ZBTB21: variants seen among roughly 807,000 people sequenced by gnomAD.
The protein encoded by ZBTB21 is zinc finger and BTB domain-containing protein 21.
A neutral mutation model predicts 39.8 loss-of-function variants in ZBTB21; 10 were observed. That is an observed-to-expected ratio of 0.25 (90% CI 0.16 to 0.43). The LOEUF (loss-of-function observed/expected upper bound fraction) is 0.43, where lower values mean the gene tolerates loss of function less well. ZBTB21 is among the 20% of genes least tolerant of loss of function. ZBTB21 has a pLI of 1.00. For synonymous variants in ZBTB21, 551 were observed against 498.8 expected, an observed-to-expected ratio of 1.10 and a Z score of -1.40; for missense variants, 1,221 against 1,296.3, an observed-to-expected ratio of 0.94 and a Z score of 0.89.
Position 41,993,351 on chromosome 21 carries a change from T to G in ZBTB21, c.745A>C (p.Arg249=). The part of the protein sequence containing the change: ...AVLPSKPLQD[R]EAMDDKPGVS... ...CCTGGTTTATCATCCATAGCTTCTC[T>G]GTCTTGCAGAGGCTTTGAAGGCAAC... Residue 249 remains arginine (R), a synonymous_variant, in exon 3 of 3, where the codon AGA becomes CGA. Coordinates refer to ENST00000310826, the MANE Select transcript of ZBTB21 (RefSeq NM_001098402.2). 1 of 1,613,818 alleles carries G rather than the reference T, an allele frequency of 6.2e-7. No homozygotes were observed. Among genetic ancestry groups the G allele is most frequent in the Non-Finnish European group, 8.5e-7 (1 of 1,179,936 alleles).
chr21:42,005,605 T>C (rs1428503394), intron 1 of ZBTB21, among the ~76,000 whole-genome samples: 1 of 152,220 alleles, frequency 6.6e-6, no homozygotes, highest in East Asian at 1.9e-4. Flanking sequence ...AACCCTAATA[T>C]ATTTCCACGT....
Position 42,010,329 on chromosome 21 carries a change from G to C in ZBTB21, c.-156C>G, listed in dbSNP as rs1307835483. 2 of 397,782 alleles carry C rather than the reference G, an allele frequency of 5.0e-6. No individual in the cohort carries two copies. The highest frequency in any genetic ancestry group is 4.4e-6 in the Non-Finnish European group (1 of 225,660). The allele number at this position is 397,782 out of a possible 1,614,324, so 24.6% of individuals were successfully genotyped here. A position where few individuals can be genotyped will look rare whatever the true frequency, so the allele number is the denominator to read the frequency against. On this transcript the variant is annotated 5_prime_UTR_variant, in exon 1 of 3. Coordinates refer to ENST00000310826, the MANE Select transcript of ZBTB21 (RefSeq NM_001098402.2). ...CGCGCGCGCCGCAGCCGCCGCTGCC[G>C]CTGTGATTCCATCCATCTTGAATTT...
chr21:42,003,816 T>C (rs2065846070), intron 1 of ZBTB21, among the ~76,000 whole-genome samples: 1 of 152,176 alleles, frequency 6.6e-6, no homozygotes, highest in African/African-American at 2.4e-5. Flanking sequence ...ATAGACGCTT[T>C]TCAGAAATGC....
In ZBTB21 at chr21:41,992,834, G is replaced by T. The variant is rs1555910490; in HGVS notation, c.1262C>A (p.Ala421Asp). 6.2e-7 allele frequency: 1 copy of T among 1,614,172 alleles called. No homozygotes were observed. The highest frequency in any genetic ancestry group is 8.5e-7 in the Non-Finnish European group (1 of 1,180,044). The change falls in exon 3 of 3, where the codon GCT (alanine) becomes GAT (aspartate). Residue 421 changes from alanine (A) to aspartate (D), a missense_variant. Transcript: ENST00000310826. The surrounding 1 kb of genome is among the most constrained non-coding windows in gnomAD (Gnocchi z 4.1). ...TATGCGCACCTCAGTCACAGGGGAA[G>T]CTCCCTCCCTGTCTGTTGACTGAGA... Reference protein sequence around the residue: ...SASQSTDREGASPVTEVRIKT... With the variant: ...SASQSTDREGDSPVTEVRIKT...
At chr21:42,005,746 T>C (rs1257724260) in intron 1 of ZBTB21, among the ~76,000 whole-genome samples, 1 of 152,234 alleles carries the variant, frequency 6.6e-6, no homozygotes, top group African/African-American at 2.4e-5. Context: ...ATTCAACTTA[T>C]TTACTGAATT....
At chr21:42,006,735 G>T (rs1176545465) in intron 1 of ZBTB21, among the ~76,000 whole-genome samples, 2 of 152,202 alleles carry the variant, frequency 1.3e-5, no homozygotes, top group Admixed American at 1.3e-4. Flanking sequence ...GGAGAATGTA[G>T]TCATACTTGG....
At position 41,992,371 on chromosome 21, in the gene ZBTB21, G is replaced by A. The variant is rs150186172; in HGVS notation, c.1725C>T (p.Tyr575=). 7.4e-5 allele frequency: 120 copies of A among 1,614,210 alleles called. 1 individual carries two copies. The Middle Eastern group carries it at 8.2e-4, about 11-fold the overall frequency. ...VNMYHNPEKP[Y]ACDICHKRFH... is the part of the protein sequence containing the mutation. The stretch of plus-strand genomic sequence containing the variant: ...ACCTCTTGTGACAGATGTCACAAGC[G>A]TAGGGCTTTTCTGGGTTATGGTACA... Residue 575 remains tyrosine, a synonymous_variant, in exon 3 of 3, where the codon TAC becomes TAT. Transcript: ENST00000310826. This position sits in a 1 kb window ranked among gnomAD's most constrained non-coding sequence, Gnocchi z 4.1.
chr21:41,999,083 GAA>G (rs1268501670), intron 2 of ZBTB21, among the ~76,000 whole-genome samples: 1 of 152,088 alleles, frequency 6.6e-6, no homozygotes, highest in Non-Finnish European at 1.5e-5. Context: ...GAGATCAGCA[GAA>G]AAAGACATAA....
Position 41,988,077 on chromosome 21 carries a change from C to T in ZBTB21, c.*2818G>A, listed in dbSNP as rs150736282. On this transcript the variant is annotated 3_prime_UTR_variant, in exon 3 of 3. Coordinates refer to ENST00000310826, the MANE Select transcript of ZBTB21 (RefSeq NM_001098402.2). ...ATTCTGGTAAAATTATAAATGCATACTAACTAGTTTTAAAGGTGAATATTC... is the reference window on the plus strand; with the variant it reads ...ATTCTGGTAAAATTATAAATGCATATTAACTAGTTTTAAAGGTGAATATTC... 1.2e-4 allele frequency: 19 copies of T among 152,292 alleles called. No individual in the cohort carries two copies. The East Asian group carries it at 3.7e-3, about 29-fold the overall frequency. 9.4% of individuals were successfully genotyped at this position (152,292 alleles called of 1,614,324 possible). A position where few individuals can be genotyped will look rare whatever the true frequency, so the allele number is the denominator to read the frequency against.
chr21:42,001,466 A>T (rs144963523), intron 2 of ZBTB21, among the ~76,000 whole-genome samples: 4 of 152,204 alleles, frequency 2.6e-5, no homozygotes, highest in Admixed American at 6.5e-5. Context: ...GCAGGAAGAG[A>T]ACAGGTCAAT....
chr21:41,999,930 G>T (rs2065797982), intron 2 of ZBTB21, among the ~76,000 whole-genome samples: 1 of 152,222 alleles, frequency 6.6e-6, no homozygotes, highest in Admixed American at 6.5e-5. Context: ...GAATGACAAA[G>T]ACCTGAATTA....
Position 41,992,789 on chromosome 21 carries a change from G to T in ZBTB21, c.1307C>A (p.Pro436Gln). The change falls in exon 3 of 3, where the codon CCG becomes CAG. Residue 436 changes from proline (P) to glutamine (Q), a missense_variant. Coordinates refer to ENST00000310826, the MANE Select transcript of ZBTB21 (RefSeq NM_001098402.2). This position sits in a 1 kb window ranked among gnomAD's most constrained non-coding sequence, Gnocchi z 4.1. ...GATGATGTCCGAGGGGTCCGACAGC[G>T]GGCTGCTGGGCTCAGTCTTTATGCG... is the stretch of plus-strand genomic sequence containing the variant. ...EVRIKTEPSS[P>Q]LSDPSDIIRV... The T allele has an allele frequency of 6.2e-7, 1 of 1,614,022 alleles. No homozygotes were observed. Among genetic ancestry groups the T allele is most frequent in the Non-Finnish European group, 8.5e-7 (1 of 1,180,012 alleles).
Position 41,992,844 on chromosome 21 carries a change from T to C in ZBTB21, c.1252A>G (p.Arg418Gly). Residue 418 changes from arginine (R) to glycine (G), a missense_variant, in exon 3 of 3, where the codon AGG becomes GGG. Arg to Gly is a moderately radical substitution (Grantham distance 125). This residue lies in a region of ZBTB21 where 500 missense variants were observed against 465.6 expected (regional missense o/e 1.07). Transcript: ENST00000310826. The surrounding 1 kb of genome is among the most constrained non-coding windows in gnomAD (Gnocchi z 4.1). ...RSFSASQSTDREGASPVTEVR... is the reference protein window; with the variant it reads ...RSFSASQSTDGEGASPVTEVR... The stretch of plus-strand genomic sequence containing the variant: ...TCAGTCACAGGGGAAGCTCCCTCCC[T>C]GTCTGTTGACTGAGAAGCACTAAAG... The C allele has an allele frequency of 6.2e-7, 1 of 1,614,202 alleles. No individual in the cohort carries two copies. Among genetic ancestry groups the C allele is most frequent in the South Asian group, 1.1e-5 (1 of 91,078 alleles).
intron 1 of ZBTB21, among the ~76,000 whole-genome samples, chr21:42,005,411 C>T (rs116978718): frequency 0.048 from 7,249 of 152,292 alleles, 242 homozygotes; most frequent in Middle Eastern, 0.082. Flanking sequence ...CTTATCTCAA[C>T]GGAGGCCTGA....
rs1250955742 is a variant in ZBTB21 at position 41,992,899 on chromosome 21, A to C, written c.1197T>G (p.Pro399=). 1 of 1,614,114 alleles carries C rather than the reference A, an allele frequency of 6.2e-7. No homozygotes were observed. The highest frequency in any genetic ancestry group is 8.5e-7 in the Non-Finnish European group (1 of 1,180,050). The part of the protein sequence containing the change: ...CSEKTALDDR[P]QVLQPHRLRS... ...TGAGGCGATGCGGTTGTAGCACTTG[A>C]GGCCTGTCATCTAGGGCTGTTTTTT... Residue 399 remains proline (P), a synonymous_variant, in exon 3 of 3, where the codon CCT becomes CCG. Coordinates refer to ENST00000310826, the MANE Select transcript of ZBTB21 (RefSeq NM_001098402.2). The surrounding 1 kb of genome is among the most constrained non-coding windows in gnomAD (Gnocchi z 4.1).
At chr21:42,001,219 C>T (rs568102047) in intron 2 of ZBTB21, among the ~76,000 whole-genome samples, 3 of 152,300 alleles carry the variant, frequency 2.0e-5, no homozygotes, top group South Asian at 4.1e-4. Context: ...CACGACACTG[C>T]CTCTAGTTTC....
chr21:42,009,564 C>T (rs1231248703), intron 1 of ZBTB21: 3 of 152,252 alleles, frequency 2.0e-5, no homozygotes, highest in Non-Finnish European at 4.4e-5. Context: ...TCTGCGGGAC[C>T]GCCGGGAAGT....
At chr21:41,997,544 C>A (rs2065763052) in intron 2 of ZBTB21, among the ~76,000 whole-genome samples, 1 of 149,664 alleles carries the variant, frequency 6.7e-6, no homozygotes, top group Admixed American at 6.7e-5. Flanking sequence ...CCACTGCACT[C>A]CAGCCTGGTT....
chr21:42,001,449 G>A (rs748248484), intron 2 of ZBTB21, among the ~76,000 whole-genome samples: 3 of 152,242 alleles, frequency 2.0e-5, no homozygotes, highest in Non-Finnish European at 4.4e-5. Flanking sequence ...GGAGCTTAAG[G>A]TCTTGTGCAG....
Sources: allele counts gnomAD v4.1 joint callset (sites outside exome capture counted in the v4.1 genomes callset), GRCh38; gene constraint gnomAD v4.1.1; regional missense constraint gnomAD v4.1.1; non-coding constraint Gnocchi (gnomAD v3.1); transcripts MANE v1.5; gene names NCBI Gene and HGNC (gene_info 2026-07-23, HGNC 2026-07-21).